The following SPOCK3 variants were observed in gnomAD, a reference collection of about 807,000 sequenced individuals.
The protein encoded by SPOCK3 is SPARC (osteonectin), cwcv and kazal like domains proteoglycan 3.
Under a neutral mutation model 56.6 loss-of-function variants are expected in SPOCK3, and 30 were observed. The observed-to-expected ratio is 0.53, with a 90% CI of 0.40 to 0.72. SPOCK3 has a LOEUF of 0.72. Ranked by LOEUF, SPOCK3 falls within the 30% of genes least tolerant of loss-of-function variation. The probability of loss-of-function intolerance (pLI) is 0.00; values close to 1 mark genes in which losing one functional copy is unlikely to be tolerated. For synonymous variants in SPOCK3, 196 were observed against 183.3 expected (o/e 1.07, Z -0.56); for missense variants, 527 against 530.0 (o/e 0.99, Z 0.06).
chr4:167,122,521 C>T (rs925932505), intron 2 of SPOCK3, among the ~76,000 whole-genome samples: 2 of 152,268 alleles, frequency 1.3e-5, no homozygotes, highest in South Asian at 2.1e-4. Context: ...GAGGAAAAGT[C>T]GTTTAGGGTT....
intron 3 of SPOCK3, among the ~76,000 whole-genome samples, chr4:167,003,774 T>C (rs1244899690): frequency 6.6e-6 from 1 of 152,228 alleles, no homozygotes; most frequent in Non-Finnish European, 1.5e-5. Flanking sequence ...TAAACTAACC[T>C]GGGTACCTGA....
chr4:167,136,176 C>A (rs918443646), intron 2 of SPOCK3, among the ~76,000 whole-genome samples: 12 of 151,986 alleles, frequency 7.9e-5, no homozygotes, highest in African/African-American at 2.7e-4. Context: ...GGTGGTGCAA[C>A]CCAGGAATTT....
chr4:166,821,005 A>G (rs552312571), intron 6 of SPOCK3, among the ~76,000 whole-genome samples: 1 of 152,164 alleles, frequency 6.6e-6, no homozygotes, highest in African/African-American at 2.4e-5. Flanking sequence ...GAATGTGAAA[A>G]GGTAGGTCAC....
intron 3 of SPOCK3, among the ~76,000 whole-genome samples, chr4:167,011,511 T>C (rs2150145576): frequency 6.6e-6 from 1 of 152,312 alleles, no homozygotes. Flanking sequence ...AATATGCAAA[T>C]GTTAAAGTAA....
At chr4:166,860,821 A>T (rs999348160) in intron 6 of SPOCK3, among the ~76,000 whole-genome samples, 1 of 146,374 alleles carries the variant, frequency 6.8e-6, no homozygotes, top group Non-Finnish European at 1.5e-5. Context: ...ATATATGTAT[A>T]TATATATATG....
Position 166,941,393 on chromosome 4 carries a change from CAT to C in SPOCK3, c.351-28652_351-28651del, listed in dbSNP as rs1163838609. Reference sequence around the variant, plus strand: ...AGAACCATTAGAAGAGAGTTTATCTCATATGTCTTGTAACTGTTTCCTTTTTT... The same window carrying C: ...AGAACCATTAGAAGAGAGTTTATCTCATGTCTTGTAACTGTTTCCTTTTTT... On this transcript the variant is annotated intron_variant, in intron 4 of 10. Transcript: ENST00000357545. Among the ~76,000 whole-genome samples, 8 of 152,324 alleles carry C rather than the reference CAT, an allele frequency of 5.3e-5. No homozygotes were observed. In the South Asian group the frequency reaches 1.7e-3, roughly 32 times the overall value.
chr4:166,783,256 G>T (rs920980627), intron 7 of SPOCK3, among the ~76,000 whole-genome samples: 2 of 152,166 alleles, frequency 1.3e-5, no homozygotes, highest in African/African-American at 4.8e-5. Context: ...CTACTTGGGA[G>T]GGTGAGGCAG....
At chr4:167,101,713 C>CTTT (rs34604496) in intron 2 of SPOCK3, among the ~76,000 whole-genome samples, 12 of 126,326 alleles carry the variant, frequency 9.5e-5, no homozygotes, top group South Asian at 2.7e-4. Context: ...AATTCTTACT[C>CTTT]TTTTTTTTTT....
At chr4:167,161,635 C>A (rs925939640) in intron 2 of SPOCK3, among the ~76,000 whole-genome samples, 15 of 152,098 alleles carry the variant, frequency 9.9e-5, no homozygotes, top group African/African-American at 2.9e-4. Flanking sequence ...GACTTGGAAC[C>A]AACCCAAATG....
At chr4:166,953,188 GA>G (rs1261768674) in intron 4 of SPOCK3, among the ~76,000 whole-genome samples, 1 of 151,296 alleles carries the variant, frequency 6.6e-6, no homozygotes, top group African/African-American at 2.4e-5. Flanking sequence ...CTACTCTTCT[GA>G]CAAAGGGCTA....
At chr4:166,925,687 T>A (rs1051472521) in intron 4 of SPOCK3, among the ~76,000 whole-genome samples, 16 of 152,132 alleles carry the variant, frequency 1.1e-4, no homozygotes, top group East Asian at 3.9e-4. Context: ...TTTTTTTTTT[T>A]AAATATTTAC....
At chr4:166,781,737 G>A (rs140543134) in intron 7 of SPOCK3, among the ~76,000 whole-genome samples, 167 of 151,954 alleles carry the variant, frequency 1.1e-3, no homozygotes, top group African/African-American at 3.9e-3. Flanking sequence ...ATGCACCATC[G>A]TCAAACTGTT....
chr4:166,925,862 T>G (rs954729179), intron 4 of SPOCK3, among the ~76,000 whole-genome samples: 1 of 152,202 alleles, frequency 6.6e-6, no homozygotes, highest in African/African-American at 2.4e-5. Context: ...ATCCAATTTA[T>G]TTTAAGAAAA....
chr4:167,181,790 C>T (rs1731478852), intron 2 of SPOCK3, among the ~76,000 whole-genome samples: 1 of 152,162 alleles, frequency 6.6e-6, no homozygotes, highest in South Asian at 2.1e-4. Context: ...TTTTGACCAC[C>T]CAATACATGA....
chr4:166,830,805 T>C (rs920127971), intron 6 of SPOCK3, among the ~76,000 whole-genome samples: 5 of 152,198 alleles, frequency 3.3e-5, no homozygotes, highest in Non-Finnish European at 7.4e-5. Context: ...TTTGGGAAAG[T>C]GTGATCAACA....
intron 2 of SPOCK3, among the ~76,000 whole-genome samples, chr4:167,063,825 C>T (rs1755840394): frequency 1.3e-5 from 2 of 151,808 alleles, no homozygotes; most frequent in African/African-American, 4.8e-5. Flanking sequence ...GCCTTCAGTT[C>T]CACCCACGTT....
intron 4 of SPOCK3, among the ~76,000 whole-genome samples, chr4:166,923,019 G>C (rs1468649686): frequency 1.3e-5 from 2 of 152,198 alleles, no homozygotes; most frequent in South Asian, 2.1e-4. Context: ...CTCACCGTTA[G>C]GAATCTAAAA....
intron 2 of SPOCK3, among the ~76,000 whole-genome samples, chr4:167,145,365 A>C (rs1027597335): frequency 1.3e-5 from 2 of 152,104 alleles, no homozygotes; most frequent in African/African-American, 2.4e-5. Context: ...TAGATATATT[A>C]GTAGTGATAT....
chr4:166,778,231 T>C (rs1015380669), intron 7 of SPOCK3, among the ~76,000 whole-genome samples: 2 of 152,230 alleles, frequency 1.3e-5, no homozygotes, highest in Non-Finnish European at 2.9e-5. Flanking sequence ...GTTATTGTAG[T>C]AAATGAGGTT....
Sources: gnomAD v4.1 joint callset for allele counts (sites outside exome capture counted in the v4.1 genomes callset) on GRCh38, gnomAD v4.1.1 for gene constraint, MANE v1.5 for transcripts, NCBI Gene and HGNC (gene_info 2026-07-23, HGNC 2026-07-21) for gene names.